Variants in ADAP2 observed in about 807,000 individuals in gnomAD.
ADAP2 encodes the protein arf-GAP with dual PH domain-containing protein 2.
ADAP2 carries 42 observed loss-of-function variants against 54.9 expected under a neutral mutation model. The ratio of observed to expected loss-of-function variants is 0.77; its 90% confidence interval spans 0.60 to 0.99. The LOEUF (loss-of-function observed/expected upper bound fraction) is 0.99, where lower values mean the gene tolerates loss of function less well. Among genes scored for constraint, ADAP2 ranks in the 50% least tolerant of loss-of-function variants. ADAP2 has a pLI of 0.00. For missense variants in ADAP2, 429 were observed against 480.4 expected (o/e 0.89, Z 1.00); for synonymous variants, 177 against 180.1 (o/e 0.98, Z 0.14).
At chr17:30,943,565 T>C (rs1216678662) in intron 5 of ADAP2, among the ~76,000 whole-genome samples, 2 of 151,920 alleles carry the variant, frequency 1.3e-5, no homozygotes, top group African/African-American at 2.4e-5. Context: ...AAGAATGAGA[T>C]TGGCTGGGCA....
intron 5 of ADAP2, among the ~76,000 whole-genome samples, chr17:30,936,226 C>T (rs1911864102): frequency 6.6e-6 from 1 of 152,094 alleles, no homozygotes; most frequent in South Asian, 2.1e-4. Flanking sequence ...GCAATCATAG[C>T]TCACTGCAAC....
intron 3 of ADAP2, among the ~76,000 whole-genome samples, chr17:30,930,485 A>C (rs541126506): frequency 2.0e-5 from 3 of 152,308 alleles, no homozygotes; most frequent in Admixed American, 1.3e-4. Flanking sequence ...CCAGGAGCTC[A>C]CACACCATCA....
intron 7 of ADAP2, among the ~76,000 whole-genome samples, chr17:30,950,775 T>A (rs1420483933): frequency 6.6e-6 from 1 of 152,180 alleles, no homozygotes; most frequent in African/African-American, 2.4e-5. Flanking sequence ...TGAGTCAGTC[T>A]GCTGAGTTTG....
intron 7 of ADAP2, 45 bp from the exon 8 acceptor site, chr17:30,953,243 C>A: frequency 1.2e-6 from 2 of 1,604,212 alleles, no homozygotes; most frequent in Non-Finnish European, 1.7e-6. Flanking sequence ...GAACCTGGAG[C>A]CTTGGGGTGT....
At chr17:30,953,764 T>G (rs1904856040) in intron 8 of ADAP2, among the ~76,000 whole-genome samples, 1 of 152,130 alleles carries the variant, frequency 6.6e-6, no homozygotes, top group East Asian at 1.9e-4. Flanking sequence ...CTCGAACTCC[T>G]GACCTCAAGC....
intron 1 of ADAP2, 74 bp downstream of exon 1, chr17:30,922,182 C>T (rs1910664159): frequency 2.8e-6 from 3 of 1,082,504 alleles, no homozygotes; most frequent in Non-Finnish European, 3.5e-6. Context: ...TCCCCTCGGC[C>T]CCACCGGGTC....
intron 5 of ADAP2, among the ~76,000 whole-genome samples, chr17:30,942,480 C>T (rs1200634235): frequency 6.6e-6 from 1 of 152,156 alleles, no homozygotes; most frequent in Non-Finnish European, 1.5e-5. Context: ...TCCAGCAATT[C>T]CATTTCTAAG....
chr17:30,937,742 A>T (rs372233700), intron 5 of ADAP2, among the ~76,000 whole-genome samples: 4 of 152,218 alleles, frequency 2.6e-5, no homozygotes, highest in African/African-American at 9.7e-5. Flanking sequence ...GTGGGGTGTG[A>T]GAGTAAGAGG....
intron 2 of ADAP2, among the ~76,000 whole-genome samples, chr17:30,923,924 G>A (rs989660892): frequency 2.0e-5 from 3 of 151,514 alleles, no homozygotes; most frequent in Non-Finnish European, 2.9e-5. Flanking sequence ...GTCTGGTCTC[G>A]AACTCCTGAC....
chr17:30,935,822 G>A (rs1423155928), intron 5 of ADAP2, among the ~76,000 whole-genome samples: 5 of 152,196 alleles, frequency 3.3e-5, no homozygotes, highest in Admixed American at 1.3e-4. Flanking sequence ...CTTGTGCAGA[G>A]TGAGCAAGGA....
chr17:30,954,107 A>G, intron 8 of ADAP2: 1 of 181,640 alleles, frequency 5.5e-6, no homozygotes, highest in Non-Finnish European at 1.2e-5. Flanking sequence ...TCCCTGACCT[A>G]GGTTAGAATT....
intron 4 of ADAP2, 78 bp downstream of exon 4, chr17:30,932,046 C>T: frequency 1.5e-6 from 2 of 1,365,040 alleles, no homozygotes; most frequent in Admixed American, 3.6e-5. Flanking sequence ...ATATTAGGAG[C>T]AAGATCCATC....
intron 5 of ADAP2, among the ~76,000 whole-genome samples, chr17:30,937,364 G>T (rs1911967601): frequency 6.6e-6 from 1 of 152,154 alleles, no homozygotes; most frequent in African/African-American, 2.4e-5. Context: ...TGGGACTACA[G>T]GCGTGCACCA....
chr17:30,930,869 A>G (rs1911423027), intron 3 of ADAP2, among the ~76,000 whole-genome samples: 1 of 152,218 alleles, frequency 6.6e-6, no homozygotes, highest in African/African-American at 2.4e-5. Context: ...TTGAGATCAC[A>G]TTAAACACCT....
chr17:30,946,260 T>TCTTG (rs1175574045), intron 6 of ADAP2, among the ~76,000 whole-genome samples: 1 of 152,066 alleles, frequency 6.6e-6, no homozygotes, highest in East Asian at 1.9e-4. Context: ...GGAGATGGAA[T>TCTTG]CTTGCTCTAT....
At chr17:30,947,384 C>T (rs1442049598) in intron 6 of ADAP2, among the ~76,000 whole-genome samples, 1 of 151,978 alleles carries the variant, frequency 6.6e-6, no homozygotes, top group Non-Finnish European at 1.5e-5. Flanking sequence ...GACAGAGTCT[C>T]GCTCTGTCAC....
intron 6 of ADAP2, among the ~76,000 whole-genome samples, chr17:30,945,998 A>C (rs2142565317): frequency 6.6e-6 from 1 of 151,026 alleles, no homozygotes; most frequent in East Asian, 2.0e-4. Flanking sequence ...CTAAAAATAC[A>C]AAAAAAATTG....
intron 3 of ADAP2, among the ~76,000 whole-genome samples, chr17:30,931,398 G>A (rs1393871319): frequency 6.6e-6 from 1 of 152,148 alleles, no homozygotes; most frequent in Admixed American, 6.5e-5. Context: ...TGGAGCATGG[G>A]ACAACCCATA....
intron 4 of ADAP2, among the ~76,000 whole-genome samples, chr17:30,932,297 A>G (rs924800153): frequency 1.4e-5 from 2 of 146,218 alleles, no homozygotes; most frequent in Admixed American, 7.0e-5. Context: ...CAGTGGCACT[A>G]TCACAGCTCA....
Sources: allele counts gnomAD v4.1 joint callset (sites outside exome capture counted in the v4.1 genomes callset), GRCh38; gene constraint gnomAD v4.1.1; transcripts MANE v1.5; gene names NCBI Gene and HGNC (gene_info 2026-07-23, HGNC 2026-07-21).